DLC1: variants seen among roughly 807,000 people sequenced by gnomAD.
DLC1 encodes the protein DLC1 Rho GTPase activating protein.
DLC1 carries 54 observed loss-of-function variants against 140.3 expected under a neutral mutation model. That is an observed-to-expected ratio of 0.38 (90% confidence interval 0.31 to 0.48). DLC1 has a LOEUF of 0.48. DLC1 is among the 20% of genes least tolerant of loss of function. DLC1 has a pLI of 0.96. For synonymous variants in DLC1, 986 were observed against 728.1 expected (o/e 1.35, Z -5.70); for missense variants, 2,536 against 1,907.0 (o/e 1.33, Z -6.14).
intron 1 of DLC1, among the ~76,000 whole-genome samples, chr8:13,594,409 G>A (rs926781264): frequency 1.3e-5 from 2 of 151,908 alleles, no homozygotes; most frequent in Non-Finnish European, 2.9e-5. Context: ...TTTTTGTGAG[G>A]CAACGTAATT....
intron 4 of DLC1, among the ~76,000 whole-genome samples, chr8:13,364,069 A>G (rs1286829537): frequency 1.3e-5 from 2 of 152,152 alleles, no homozygotes; most frequent in African/African-American, 2.4e-5. Flanking sequence ...ACACGCATGC[A>G]TGTGACTTCA....
chr8:13,433,032 A>G (rs1467405157), intron 2 of DLC1, among the ~76,000 whole-genome samples: 1 of 150,892 alleles, frequency 6.6e-6, no homozygotes, highest in African/African-American at 2.4e-5. Context: ...GTTTGGAAGG[A>G]ACAGTTATTG....
intron 5 of DLC1, among the ~76,000 whole-genome samples, chr8:13,157,956 A>G (rs1172952114): frequency 6.6e-6 from 1 of 152,248 alleles, no homozygotes; most frequent in African/African-American, 2.4e-5. Flanking sequence ...CAGTAGTAGA[A>G]TTCTTTGAAG....
At chr8:13,188,459 A>T (rs138916042) in intron 5 of DLC1, among the ~76,000 whole-genome samples, 1 of 148,292 alleles carries the variant, frequency 6.7e-6, no homozygotes, top group East Asian at 2.0e-4. Context: ...AATGATAAAC[A>T]TGAAATTTAG....
intron 5 of DLC1, among the ~76,000 whole-genome samples, chr8:13,277,043 G>A (rs370069556): frequency 1.9e-3 from 296 of 152,254 alleles, no homozygotes; most frequent in African/African-American, 6.8e-3. Flanking sequence ...GACCTGAGAG[G>A]CCAGCACTGT....
intron 4 of DLC1, among the ~76,000 whole-genome samples, chr8:13,357,299 A>G (rs971600407): frequency 6.6e-6 from 1 of 152,226 alleles, no homozygotes; most frequent in Non-Finnish European, 1.5e-5. Context: ...CCCTGGCTCC[A>G]GAGATTACAT....
chr8:13,104,350 C>A (rs375328888), intron 7 of DLC1, among the ~76,000 whole-genome samples: 287 of 118,946 alleles, frequency 2.4e-3, no homozygotes, highest in South Asian at 3.2e-3. Context: ...AAAATACTTA[C>A]AAAAAAAAAA....
At chr8:13,599,804 T>C (rs1343705655) in intron 1 of DLC1, among the ~76,000 whole-genome samples, 2 of 151,954 alleles carry the variant, frequency 1.3e-5, no homozygotes, top group East Asian at 3.9e-4. Flanking sequence ...GGTCCTTTAG[T>C]AGCCACAGCA....
chr8:13,478,153 G>A (rs1287422664), intron 2 of DLC1, among the ~76,000 whole-genome samples: 1 of 152,168 alleles, frequency 6.6e-6, no homozygotes. Flanking sequence ...CAGGAAGCAT[G>A]GTATAGGCAT....
chr8:13,372,842 A>G (rs1835789567), intron 4 of DLC1, among the ~76,000 whole-genome samples: 1 of 152,118 alleles, frequency 6.6e-6, no homozygotes, highest in African/African-American at 2.4e-5. Flanking sequence ...AGAAATATAT[A>G]TCTTTATAAT....
chr8:13,458,774 C>T (rs1799527376), intron 2 of DLC1, among the ~76,000 whole-genome samples: 1 of 151,892 alleles, frequency 6.6e-6, no homozygotes, highest in African/African-American at 2.4e-5. Context: ...GTCCTACCTC[C>T]ATATGTGTAA....
intron 1 of DLC1, among the ~76,000 whole-genome samples, chr8:13,599,460 G>C (rs1805799546): frequency 1.3e-5 from 2 of 151,886 alleles, no homozygotes; most frequent in South Asian, 4.1e-4. Flanking sequence ...TAACATTTTT[G>C]TGTTAGTTAA....
chr8:13,301,520 A>G (rs1832189879), intron 5 of DLC1, among the ~76,000 whole-genome samples: 1 of 152,236 alleles, frequency 6.6e-6, no homozygotes. Context: ...CCTTACATCA[A>G]CAACATGGCA....
At chr8:13,248,498 C>T (rs1028861981) in intron 5 of DLC1, among the ~76,000 whole-genome samples, 3 of 152,106 alleles carry the variant, frequency 2.0e-5, no homozygotes, top group South Asian at 4.2e-4. Flanking sequence ...CAGTTACTCC[C>T]CCTTATTTAT....
At chr8:13,587,105 C>CACACAT (rs879540746) in intron 1 of DLC1, among the ~76,000 whole-genome samples, 11 of 150,238 alleles carry the variant, frequency 7.3e-5, no homozygotes, top group East Asian at 6.0e-4. Context: ...CACACACACA[C>CACACAT]ATTCATGCAT....
At chr8:13,427,558 A>G (rs1186864855) in intron 2 of DLC1, among the ~76,000 whole-genome samples, 1 of 152,192 alleles carries the variant, frequency 6.6e-6, no homozygotes, top group Non-Finnish European at 1.5e-5. Context: ...TTTTCAGCTC[A>G]GCAGTCACCT....
chr8:13,148,993 C>T (rs772400045), intron 5 of DLC1, among the ~76,000 whole-genome samples: 3 of 152,034 alleles, frequency 2.0e-5, no homozygotes, highest in African/African-American at 4.8e-5. Flanking sequence ...AGGGTTTCTC[C>T]GTGTTAGCCA....
At chr8:13,300,666 A>T (rs1417292856) in intron 5 of DLC1, among the ~76,000 whole-genome samples, 4 of 152,156 alleles carry the variant, frequency 2.6e-5, no homozygotes, top group Non-Finnish European at 1.5e-5. Context: ...ACAGACATGT[A>T]TCCGGTCCAG....
At chr8:13,365,725 G>C (rs1274537213) in intron 4 of DLC1, among the ~76,000 whole-genome samples, 1 of 152,086 alleles carries the variant, frequency 6.6e-6, no homozygotes, top group Non-Finnish European at 1.5e-5. Flanking sequence ...GCAGTGGGGA[G>C]AGCGGAATGT....
Sources: allele counts gnomAD v4.1 joint callset (sites outside exome capture counted in the v4.1 genomes callset), GRCh38; gene constraint gnomAD v4.1.1; transcripts MANE v1.5; gene names NCBI Gene and HGNC (gene_info 2026-07-23, HGNC 2026-07-21).